PCDHGA9: variants seen among roughly 807,000 people sequenced by gnomAD.
PCDHGA9 encodes the protein protocadherin gamma-A9.
PCDHGA9 carries 37 observed loss-of-function variants against 62.5 expected under a neutral mutation model. That is an observed-to-expected ratio of 0.59 (90% CI 0.46 to 0.78). PCDHGA9 has a LOEUF of 0.78. PCDHGA9 is among the 30% of genes least tolerant of loss of function. The pLI, the probability that PCDHGA9 is intolerant of heterozygous loss-of-function variation, is 0.00. For synonymous variants in PCDHGA9, 459 were observed against 484.6 expected (o/e 0.95, Z 0.69); for missense variants, 1,138 against 1,166.2 (o/e 0.98, Z 0.35).
At position 141,490,460 on chromosome 5, in the gene PCDHGA9, TA is replaced by T. The variant is rs1393913480; in HGVS notation, c.2425-4345del. 1.2e-6 allele frequency: 2 copies of T among 1,614,094 alleles called. No individual in the cohort carries two copies. The highest frequency in any genetic ancestry group is 1.7e-6 in the Non-Finnish European group (2 of 1,180,048). On this transcript the variant is annotated intron_variant, in intron 1 of 3. Coordinates refer to ENST00000573521, the MANE Select transcript of PCDHGA9 (RefSeq NM_018921.3). The surrounding 1 kb of genome is among the most constrained non-coding windows in gnomAD (Gnocchi z 5.4). ...CCTTCTGAGAACCACTACTCGCTGC[TA>T]ACCAGCCAGCCTTTGGACCGGGAGG... is the stretch of plus-strand genomic sequence containing the variant.
At chr5:141,458,386 G>A (rs1037969327) in intron 1 of PCDHGA9, among the ~76,000 whole-genome samples, 3 of 152,188 alleles carry the variant, frequency 2.0e-5, no homozygotes, top group African/African-American at 4.8e-5. Context: ...GAAGGAAGAC[G>A]CTCCCCCTTG....
Position 141,487,397 on chromosome 5 carries a change from G to A in PCDHGA9, c.2425-7410G>A. 1 of 1,614,062 alleles carries A rather than the reference G, an allele frequency of 6.2e-7. No homozygotes were observed. Among genetic ancestry groups the A allele is most frequent in the Middle Eastern group, 1.6e-4 (1 of 6,062 alleles). Reference sequence around the variant, plus strand: ...TCTCACCAGATCTCGAAGGAGGGAGGGGCTTCCCCCTTCCAATGGGATCCT... The same window carrying A: ...TCTCACCAGATCTCGAAGGAGGGAGAGGCTTCCCCCTTCCAATGGGATCCT... On this transcript the variant is annotated intron_variant, in intron 1 of 3. Coordinates refer to ENST00000573521, the MANE Select transcript of PCDHGA9 (RefSeq NM_018921.3). This position sits in a 1 kb window ranked among gnomAD's most constrained non-coding sequence, Gnocchi z 5.0.
intron 1 of PCDHGA9, chr5:141,478,687 A>G: frequency 6.4e-7 from 1 of 1,551,218 alleles, no homozygotes; most frequent in Middle Eastern, 1.7e-4. Context: ...CCCTTCCTAG[A>G]TCAAAGTTAG....
At chr5:141,462,206 T>A (rs574863016) in intron 1 of PCDHGA9, among the ~76,000 whole-genome samples, 7 of 152,066 alleles carry the variant, frequency 4.6e-5, no homozygotes, top group African/African-American at 1.7e-4. Flanking sequence ...GTGATCCGCC[T>A]GCCTCGGCCT....
At chr5:141,508,576 C>A (rs1437398161) in intron 3 of PCDHGA9, among the ~76,000 whole-genome samples, 1 of 152,136 alleles carries the variant, frequency 6.6e-6, no homozygotes, top group African/African-American at 2.4e-5. Flanking sequence ...TGCACCCACT[C>A]GGGGTGCTAC....
Position 141,436,047 on chromosome 5 carries a change from T to G in PCDHGA9, c.2424+30671T>G, listed in dbSNP as rs141900903. On this transcript the variant is annotated intron_variant, in intron 1 of 3. Transcript: ENST00000573521. ...ATACTAAATTTGTATTTACATTAGT[T>G]TTCAAATAGAATTTAATAAGTACAG... is the stretch of plus-strand genomic sequence containing the variant. Among the ~76,000 whole-genome samples the G allele has an allele frequency of 1.0e-2, 1,517 of 152,280 alleles. 31 individuals carry two copies. The highest frequency in any genetic ancestry group is 0.034 in the African/African-American group (1,420 of 41,552).
intron 1 of PCDHGA9, among the ~76,000 whole-genome samples, chr5:141,447,353 G>C (rs559895274): frequency 6.6e-6 from 1 of 152,032 alleles, no homozygotes; most frequent in Admixed American, 6.6e-5. Context: ...TGGTCAGGCT[G>C]GTCTCAAACT....
rs766474451 is a variant in PCDHGA9 at position 141,477,676 on chromosome 5, AT to A, written c.2425-17130del. On this transcript the variant is annotated intron_variant, in intron 1 of 3. Coordinates refer to ENST00000573521, the MANE Select transcript of PCDHGA9 (RefSeq NM_018921.3). This position sits in a 1 kb window ranked among gnomAD's most constrained non-coding sequence, Gnocchi z 4.9. ...TAAATCGTGACAATGGCATAGTGTCATCCTTAGTGCCCCTAGACTATGAGGA... is the reference window on the plus strand; with the variant it reads ...TAAATCGTGACAATGGCATAGTGTCACCTTAGTGCCCCTAGACTATGAGGA... 6.2e-7 allele frequency: 1 copy of A among 1,614,194 alleles called. No homozygotes were observed. The highest frequency in any genetic ancestry group is 2.2e-5 in the East Asian group (1 of 44,886).
At chr5:141,461,422 C>A (rs2099015157) in intron 1 of PCDHGA9, among the ~76,000 whole-genome samples, 1 of 151,930 alleles carries the variant, frequency 6.6e-6, no homozygotes, top group African/African-American at 2.4e-5. Flanking sequence ...TGTTTGTGGG[C>A]CATTTGTATA....
chr5:141,418,694 TATTCC>T, intron 1 of PCDHGA9: 2 of 1,614,044 alleles, frequency 1.2e-6, no homozygotes, highest in Non-Finnish European at 1.7e-6. Flanking sequence ...AGAGATCACT[TATTCC>T]TTCTTTGGTG....
chr5:141,453,931 G>T (rs61228273), intron 1 of PCDHGA9, among the ~76,000 whole-genome samples: 2 of 152,306 alleles, frequency 1.3e-5, no homozygotes, highest in African/African-American at 4.8e-5. Flanking sequence ...GTCACTGTGT[G>T]CCTATAATTT....
At chr5:141,423,264 C>G (rs1452323474) in intron 1 of PCDHGA9, 1 of 1,613,986 alleles carries the variant, frequency 6.2e-7, no homozygotes. Flanking sequence ...TCGGCAGCCT[C>G]GAGTCTCTGG....
chr5:141,462,354 C>T (rs1157515386), intron 1 of PCDHGA9, among the ~76,000 whole-genome samples: 1 of 152,162 alleles, frequency 6.6e-6, no homozygotes, highest in Non-Finnish European at 1.5e-5. Flanking sequence ...CAAAAATATA[C>T]ATTGTATAGT....
rs2099745754 is a variant in PCDHGA9 at position 141,493,023 on chromosome 5, T to A, written c.2425-1784T>A. Among the ~76,000 whole-genome samples the A allele has an allele frequency of 6.6e-6, 1 of 152,190 alleles. No individual in the cohort carries two copies. The highest frequency in any genetic ancestry group is 2.4e-5 in the African/African-American group (1 of 41,450). On this transcript the variant is annotated intron_variant, in intron 1 of 3. Coordinates refer to ENST00000573521, the MANE Select transcript of PCDHGA9 (RefSeq NM_018921.3). The surrounding 1 kb of genome is among the most constrained non-coding windows in gnomAD (Gnocchi z 4.3). ...CTATAGGCTCTGCCAGATGCCAGGGTGCCCTTATGTGTGAGGAAACTACAA... is the reference window on the plus strand; with the variant it reads ...CTATAGGCTCTGCCAGATGCCAGGGAGCCCTTATGTGTGAGGAAACTACAA...
chr5:141,451,134 T>A (rs567790185), intron 1 of PCDHGA9, among the ~76,000 whole-genome samples: 1 of 152,254 alleles, frequency 6.6e-6, no homozygotes, highest in South Asian at 2.1e-4. Context: ...AGCCTTATGA[T>A]TGTATTTAGA....
chr5:141,415,194 C>T (rs1252476580), intron 1 of PCDHGA9: 2 of 1,614,064 alleles, frequency 1.2e-6, no homozygotes, highest in Non-Finnish European at 1.7e-6. Context: ...ACAGCATCCC[C>T]CAAGTCCTGG....
At chr5:141,468,425 T>TA (rs2099167168) in intron 1 of PCDHGA9, 1 of 151,612 alleles carries the variant, frequency 6.6e-6, no homozygotes, top group Non-Finnish European at 1.5e-5. Context: ...GATAGCAAGG[T>TA]AATAGCAAAA....
chr5:141,403,223 G>C lies in PCDHGA9; in HGVS notation c.271G>C (p.Asp91His), dbSNP rs1414315950. The C allele has an allele frequency of 1.2e-6, 2 of 1,613,968 alleles. No homozygotes were observed. Among genetic ancestry groups the C allele is most frequent in the Non-Finnish European group, 8.5e-7 (1 of 1,179,908 alleles). The change falls in exon 1 of 4, where the codon GAC (aspartate) becomes CAC (histidine). Residue 91 changes from aspartate to histidine, a missense_variant. Transcript: ENST00000573521. ...SGTLVTAGRI[D>H]REELCAQSPR... ...CACCTTGGTCACCGCGGGTAGGATA[G>C]ACCGGGAGGAGCTCTGTGCTCAGAG...
At chr5:141,418,830 G>T (rs371820904) in intron 1 of PCDHGA9, 44 of 1,613,858 alleles carry the variant, frequency 2.7e-5, no homozygotes, top group Non-Finnish European at 3.6e-5. Flanking sequence ...GCAAAAGACC[G>T]AGGATCTCTC....
Sources: gnomAD v4.1 joint callset for allele counts (sites outside exome capture counted in the v4.1 genomes callset) on GRCh38, gnomAD v4.1.1 for gene constraint, Gnocchi (gnomAD v3.1) non-coding constraint, MANE v1.5 for transcripts, NCBI Gene and HGNC (gene_info 2026-07-23, HGNC 2026-07-21) for gene names.